STIM2: variants seen among roughly 807,000 people sequenced by gnomAD.
STIM2 encodes the protein stromal interaction molecule 2.
Under a neutral mutation model 85.8 loss-of-function variants are expected in STIM2, and 31 were observed. The ratio of observed to expected loss-of-function variants is 0.36; its 90% CI spans 0.27 to 0.49. The LOEUF (loss-of-function observed/expected upper bound fraction) is 0.49. Ranked by LOEUF, STIM2 falls within the 20% of genes least tolerant of loss-of-function variation. STIM2 has a pLI of 0.98. For synonymous variants in STIM2, 356 were observed against 331.1 expected (o/e 1.08, Z -0.82); for missense variants, 841 against 927.6 (o/e 0.91, Z 1.21).
chr4:26,935,075 G>A (rs1050767880), intron 2 of STIM2, among the ~76,000 whole-genome samples: 2 of 152,062 alleles, frequency 1.3e-5, no homozygotes, highest in African/African-American at 4.8e-5. Context: ...TTGCCACTAT[G>A]TCTTTATATT....
chr4:26,905,982 T>C (rs1724108403), intron 1 of STIM2, among the ~76,000 whole-genome samples: 1 of 152,202 alleles, frequency 6.6e-6, no homozygotes, highest in Non-Finnish European at 1.5e-5. Context: ...ATAAAATATA[T>C]AGACCTAAAA....
intron 1 of STIM2, among the ~76,000 whole-genome samples, chr4:26,906,548 T>A (rs767646266): frequency 1.5e-4 from 22 of 147,306 alleles, no homozygotes; most frequent in Non-Finnish European, 3.1e-4. Context: ...TCAAAAAAAA[T>A]TTAAGATATT....
intron 5 of STIM2, among the ~76,000 whole-genome samples, chr4:27,000,539 A>C (rs970199617): frequency 6.6e-6 from 1 of 152,184 alleles, no homozygotes. Flanking sequence ...ATTTGTTTCT[A>C]TTTACAACTT....
At chr4:27,004,636 G>T (rs922506888) in intron 7 of STIM2, among the ~76,000 whole-genome samples, 1 of 152,140 alleles carries the variant, frequency 6.6e-6, no homozygotes, top group Non-Finnish European at 1.5e-5. Context: ...AAGGGCCCAA[G>T]AATTGTGGAC....
chr4:26,883,000 G>T (rs1056646530), intron 1 of STIM2, among the ~76,000 whole-genome samples: 1 of 136,558 alleles, frequency 7.3e-6, no homozygotes, highest in Non-Finnish European at 1.6e-5. Context: ...ACCATACCTG[G>T]CTAATTTTTT....
intron 2 of STIM2, among the ~76,000 whole-genome samples, chr4:26,950,067 A>G (rs1577457420): frequency 1.3e-5 from 2 of 152,334 alleles, no homozygotes; most frequent in Non-Finnish European, 2.9e-5. Flanking sequence ...GATGGATACT[A>G]GAAATAATTA....
intron 1 of STIM2, among the ~76,000 whole-genome samples, chr4:26,906,106 C>T (rs1724115431): frequency 6.6e-6 from 1 of 152,026 alleles, no homozygotes. Context: ...ATAAAAAGAA[C>T]AAGATGATGT....
intron 1 of STIM2, among the ~76,000 whole-genome samples, chr4:26,875,482 A>T (rs1435780155): frequency 1.3e-5 from 2 of 152,156 alleles, no homozygotes; most frequent in East Asian, 3.8e-4. Context: ...AGCCCTAAAT[A>T]TGTTAATAAT....
intron 10 of STIM2, among the ~76,000 whole-genome samples, chr4:27,015,154 C>G (rs1018584697): frequency 6.6e-6 from 1 of 151,966 alleles, no homozygotes; most frequent in Non-Finnish European, 1.5e-5. Context: ...TATATTTACT[C>G]TCCTTGCTGA....
chr4:26,938,887 A>G (rs184794096), intron 2 of STIM2, among the ~76,000 whole-genome samples: 62 of 152,262 alleles, frequency 4.1e-4, no homozygotes, highest in Non-Finnish European at 6.9e-4. Flanking sequence ...ATTCTTCATA[A>G]CATGTTTAGG....
intron 1 of STIM2, among the ~76,000 whole-genome samples, chr4:26,904,364 T>G (rs1392617766): frequency 6.6e-6 from 1 of 152,106 alleles, no homozygotes; most frequent in Non-Finnish European, 1.5e-5. Context: ...ATCACCATAG[T>G]CAGTATAATG....
intron 1 of STIM2, among the ~76,000 whole-genome samples, chr4:26,906,241 C>G (rs7678705): frequency 0.4 from 60,041 of 151,642 alleles, 12,187 homozygotes; most frequent in East Asian, 0.63. Context: ...CATATGGACA[C>G]AAAGAAGGGA....
Position 27,022,636 on chromosome 4 carries a change from A to G in STIM2, c.1881A>G (p.Arg627=). 6.2e-7 allele frequency: 1 copy of G among 1,614,212 alleles called. No individual in the cohort carries two copies. The highest frequency in any genetic ancestry group is 8.5e-7 in the Non-Finnish European group (1 of 1,180,008). Residue 627 remains arginine, a synonymous_variant, in exon 12 of 12, where the codon AGA becomes AGG. Transcript: ENST00000467087. ...CATTATCTCCGCGAAAGATATCAAG[A>G]GATGAGGTGTCCCTAGAGGATTCCT...
chr4:26,918,757 T>C (rs1226170780), intron 1 of STIM2, among the ~76,000 whole-genome samples: 3 of 152,312 alleles, frequency 2.0e-5, no homozygotes, highest in Admixed American at 6.5e-5. Flanking sequence ...TGTTAAGCCA[T>C]TGAAAAATGT....
chr4:26,861,333 G>A lies in STIM2; in HGVS notation c.115G>A (p.Ala39Thr), dbSNP rs1014057458. Residue 39 changes from alanine (A) to threonine (T), a missense_variant, in exon 1 of 12, where the codon GCC becomes ACC. Ala to Thr is a moderately conservative substitution (Grantham distance 58, BLOSUM62 0). Transcript: ENST00000467087. Reference sequence around the variant, plus strand: ...TGCCGCAACTGCCGCCTCCTCTCCCGCCGCGGCGGCCGGCGATAGCCCGGC... The same window carrying A: ...TGCCGCAACTGCCGCCTCCTCTCCCACCGCGGCGGCCGGCGATAGCCCGGC... The A allele has an allele frequency of 1.2e-5, 17 of 1,379,342 alleles. 1 individual carries two copies. The Admixed American group carries it at 5.1e-4, about 42-fold the overall frequency. The allele number at this position is 1,379,342 out of a possible 1,614,324, so 85.4% of individuals were successfully genotyped here.
At position 26,985,642 on chromosome 4, in the gene STIM2, T is replaced by C. The variant is rs143421737; in HGVS notation, c.398-9737T>C. Reference sequence around the variant, plus strand: ...TAGATATAAAGATGTTTTCATGCTTTAAGAGAAGGCAGTATATGTTTGTAA... The same window carrying C: ...TAGATATAAAGATGTTTTCATGCTTCAAGAGAAGGCAGTATATGTTTGTAA... On this transcript the variant is annotated intron_variant, in intron 3 of 11. Coordinates refer to ENST00000467087, the MANE Select transcript of STIM2 (RefSeq NM_020860.4). 3.8e-3 allele frequency among the ~76,000 whole-genome samples: 584 copies of C among 152,326 alleles called. 6 individuals are homozygous for C. The highest frequency in any genetic ancestry group is 0.014 in the African/African-American group (566 of 41,578).
At chr4:26,865,827 TA>T (rs200451059) in intron 1 of STIM2, among the ~76,000 whole-genome samples, 5 of 151,828 alleles carry the variant, frequency 3.3e-5, no homozygotes, top group Admixed American at 6.6e-5. Flanking sequence ...GGGAAAGAAT[TA>T]AAAAAAAGAA....
intron 2 of STIM2, among the ~76,000 whole-genome samples, chr4:26,942,204 A>T (rs1051003374): frequency 1.5e-4 from 23 of 152,014 alleles, no homozygotes; most frequent in African/African-American, 4.8e-4. Context: ...CTTCTCTCCT[A>T]CTACTGTGGA....
At chr4:26,934,459 C>A (rs1725323188) in intron 2 of STIM2, among the ~76,000 whole-genome samples, 1 of 152,250 alleles carries the variant, frequency 6.6e-6, no homozygotes, top group Middle Eastern at 3.4e-3. Flanking sequence ...GAGACACTTG[C>A]TAATGTTAAT....
Sources: allele counts gnomAD v4.1 joint callset (sites outside exome capture counted in the v4.1 genomes callset), GRCh38; gene constraint gnomAD v4.1.1; transcripts MANE v1.5; gene names NCBI Gene and HGNC (gene_info 2026-07-23, HGNC 2026-07-21).